The following HMX1 variants were observed in gnomAD, a reference collection of about 807,000 sequenced individuals.
HMX1 encodes the protein H6 family homeobox 1, also known as homeobox protein HMX1.
Under a neutral mutation model 8.9 loss-of-function variants are expected in HMX1, and 8 were observed. The ratio of observed to expected loss-of-function variants is 0.90; its 90% CI spans 0.53 to 1.63. The LOEUF is 1.63. Ranked by LOEUF, HMX1 falls within the 40% of genes most tolerant of loss-of-function variation. The pLI is 0.00. For missense variants in HMX1, 621 were observed against 558.5 expected (o/e 1.11, Z -1.13); for synonymous variants, 311 against 283.4 (o/e 1.10, Z -0.98).
chr4:8,859,093 C>T (rs1721709263), intron 1 of HMX1: 1 of 152,274 alleles, frequency 6.6e-6, no homozygotes, highest in Admixed American at 6.5e-5. Flanking sequence ...CCACACTGGG[C>T]TTATCTGTAA....
chr4:8,850,909 C>T (rs936901911), intron 1 of HMX1, among the ~76,000 whole-genome samples: 2 of 152,222 alleles, frequency 1.3e-5, no homozygotes, highest in Non-Finnish European at 2.9e-5. Context: ...GCTGGGTGCC[C>T]CAGAGAGTAC....
At position 8,851,950 on chromosome 4, in the gene HMX1, C is replaced by T. The variant is rs555663275; in HGVS notation, c.395-5626G>A. Reference sequence around the variant, plus strand: ...CAGAGATGGGAGGGCCTCGAACCTGCGTCCTGTGTCAAGGAGGCACCAACA... The same window carrying T: ...CAGAGATGGGAGGGCCTCGAACCTGTGTCCTGTGTCAAGGAGGCACCAACA... On this transcript the variant is annotated intron_variant, in intron 1 of 1. Coordinates refer to the HMX1 transcript ENST00000506970. 3.9e-5 allele frequency among the ~76,000 whole-genome samples: 6 copies of T among 152,358 alleles called. No homozygotes were observed. In the South Asian group the frequency reaches 8.3e-4, roughly 21 times the overall value.
At chr4:8,856,756 C>T (rs998474066) in intron 1 of HMX1, among the ~76,000 whole-genome samples, 1 of 152,210 alleles carries the variant, frequency 6.6e-6, no homozygotes, top group Non-Finnish European at 1.5e-5. Context: ...CGATGCATTG[C>T]TTGTTTAAAA....
rs1722051189 is a variant in HMX1 at position 8,867,708 on chromosome 4, CATCT to C, written c.1028_1031del (p.Gln343ArgfsTer66). ...CAGGCGGGGCTCACACCAGGCCAGGCATCTGCGCCCGCAGAAAGGGCACGGAGGC... is the reference window on the plus strand; with the variant it reads ...CAGGCGGGGCTCACACCAGGCCAGGCGCGCCCGCAGAAAGGGCACGGAGGC... On this transcript the variant is annotated frameshift_variant, in exon 2 of 2. Coordinates refer to ENST00000400677, the MANE Select transcript of HMX1 (RefSeq NM_018942.3). LOFTEE classifies it high-confidence loss of function. 1 of 1,275,824 alleles carries C rather than the reference CATCT, an allele frequency of 7.8e-7. No homozygotes were observed. Among genetic ancestry groups the C allele is most frequent in the Non-Finnish European group, 9.8e-7 (1 of 1,015,308 alleles). The allele number at this position is 1,275,824 out of a possible 1,614,324, so 79.0% of individuals were successfully genotyped here.
downstream of HMX1, among the ~76,000 whole-genome samples, chr4:8,865,618 G>A (rs1420503718): frequency 1.3e-5 from 2 of 152,140 alleles, no homozygotes; most frequent in Non-Finnish European, 2.9e-5. Flanking sequence ...CCAGGAGCCT[G>A]AGTCAGGGGT....
chr4:8,871,561 G>A lies in HMX1; in HGVS notation c.54C>T (p.Ser18=). ...PGRATPARAS[S]FLIENLLAAE... ...CCGCCAGCAGGTTCTCGATGAGGAA[G>A]GAGGAGGCGCGGGCCGGCGTGGCGC... Residue 18 remains serine, a synonymous_variant, in exon 1 of 2, where the codon TCC becomes TCT. Coordinates refer to ENST00000400677, the MANE Select transcript of HMX1 (RefSeq NM_018942.3). This position sits in a 1 kb window ranked among gnomAD's most constrained non-coding sequence, Gnocchi z 4.8. 7.4e-7 allele frequency: 1 copy of A among 1,359,754 alleles called. No homozygotes were observed. Among genetic ancestry groups the A allele is most frequent in the Non-Finnish European group, 9.5e-7 (1 of 1,052,862 alleles). 84.2% of individuals were successfully genotyped at this position (1,359,754 alleles called of 1,614,324 possible).
In HMX1 at chr4:8,868,425, C is replaced by T. The variant is rs1722104837; in HGVS notation, c.395-80G>A. ...AATCACTGAGGCCAGCCGTCCCCACCTTGAGGTCGCTCACAGCCACAAGCA... is the reference window on the plus strand; with the variant it reads ...AATCACTGAGGCCAGCCGTCCCCACTTTGAGGTCGCTCACAGCCACAAGCA... On this transcript the variant is annotated intron_variant, in intron 1 of 1. Coordinates refer to ENST00000400677, the MANE Select transcript of HMX1 (RefSeq NM_018942.3). This position sits in a 1 kb window ranked among gnomAD's most constrained non-coding sequence, Gnocchi z 4.6. 1.8e-6 allele frequency: 2 copies of T among 1,104,260 alleles called. No individual in the cohort carries two copies. Among genetic ancestry groups the T allele is most frequent in the Non-Finnish European group, 2.3e-6 (2 of 864,754 alleles). 68.4% of individuals were successfully genotyped at this position (1,104,260 alleles called of 1,614,324 possible). A position where few individuals can be genotyped will look rare whatever the true frequency, so the allele number is the denominator to read the frequency against.
chr4:8,858,303 G>C (rs910927545), intron 1 of HMX1, among the ~76,000 whole-genome samples: 1 of 152,142 alleles, frequency 6.6e-6, no homozygotes, highest in African/African-American at 2.4e-5. Flanking sequence ...AGCCGAGGCA[G>C]AGAGGTCCGG....
At position 8,847,511 on chromosome 4, in the gene HMX1, C is replaced by T. The variant is rs931574047; in HGVS notation, c.395-1187G>A. Among the ~76,000 whole-genome samples, 4 of 152,172 alleles carry T rather than the reference C, an allele frequency of 2.6e-5. No homozygotes were observed. The highest frequency in any genetic ancestry group is 5.9e-5 in the Non-Finnish European group (4 of 68,026). On this transcript the variant is annotated intron_variant, in intron 1 of 1. Transcript: ENST00000506970. The surrounding 1 kb of genome is among the most constrained non-coding windows in gnomAD (Gnocchi z 6.0). Reference sequence around the variant, plus strand: ...CCCTGCTCTTCGGAAGATGCTGGGCCGGGCACAACTCCTGTCCCGAGAGCA... The same window carrying T: ...CCCTGCTCTTCGGAAGATGCTGGGCTGGGCACAACTCCTGTCCCGAGAGCA...
intron 1 of HMX1, among the ~76,000 whole-genome samples, chr4:8,857,948 G>A (rs1721667303): frequency 6.6e-6 from 1 of 152,134 alleles, no homozygotes; most frequent in Admixed American, 6.5e-5. Flanking sequence ...GGCTTCGGGC[G>A]CTCGGGGAGA....
At position 8,847,821 on chromosome 4, in the gene HMX1, G is replaced by C. The variant is rs1721322629; in HGVS notation, c.395-1497C>G. On this transcript the variant is annotated intron_variant, in intron 1 of 1. Coordinates refer to the HMX1 transcript ENST00000506970. This position sits in a 1 kb window ranked among gnomAD's most constrained non-coding sequence, Gnocchi z 6.0. ...TAAAGAAACAGGATTCAGAAACAGG[G>C]GAATGGGAAGGACAAGAAGAACCTC... Among the ~76,000 whole-genome samples, 1 of 152,212 alleles carries C rather than the reference G, an allele frequency of 6.6e-6. No individual in the cohort carries two copies. The highest frequency in any genetic ancestry group is 2.4e-5 in the African/African-American group (1 of 41,452).
rs963956923 is a variant in HMX1 at position 8,867,381 on chromosome 4, T to A, written c.*312A>T. 9.6e-7 allele frequency: 1 copy of A among 1,046,718 alleles called. No homozygotes were observed. The allele number at this position is 1,046,718 out of a possible 1,614,324, so 64.8% of individuals were successfully genotyped here. ...TGAGGGCAGCTGCCCCGGGTGGCCA[T>A]GGCCGACCGCTCCTCGCTGAGGCCG... On this transcript the variant is annotated 3_prime_UTR_variant, in exon 2 of 2. Transcript: ENST00000400677.
rs150406012 is a variant in HMX1 at position 8,848,633 on chromosome 4, T to C, written c.395-2309A>G. Among the ~76,000 whole-genome samples, 1 of 152,290 alleles carries C rather than the reference T, an allele frequency of 6.6e-6. No homozygotes were observed. The highest frequency in any genetic ancestry group is 2.4e-5 in the African/African-American group (1 of 41,572). On this transcript the variant is annotated intron_variant, in intron 1 of 1. Transcript: ENST00000506970. The surrounding 1 kb of genome is among the most constrained non-coding windows in gnomAD (Gnocchi z 4.1). ...GCATGCTTGGAGGTGCCGGCTGCTGTAGACCAACCTAAACCAGGCTCCCCC... is the reference window on the plus strand; with the variant it reads ...GCATGCTTGGAGGTGCCGGCTGCTGCAGACCAACCTAAACCAGGCTCCCCC...
chr4:8,846,168 A>G (rs1721268890), exon 2 of HMX1: 1 of 1,199,594 alleles, frequency 8.3e-7, no homozygotes, highest in African/African-American at 1.5e-5. Flanking sequence ...CCAGGCTGAC[A>G]AAGGCTCCAC....
chr4:8,859,336 G>A (rs1029158359), intron 1 of HMX1, among the ~76,000 whole-genome samples: 3 of 152,254 alleles, frequency 2.0e-5, no homozygotes, highest in Non-Finnish European at 4.4e-5. Context: ...CTCTAGTCCC[G>A]ATTGACAGCC....
In HMX1 at chr4:8,870,869, C is replaced by T. The variant is rs544861873; in HGVS notation, c.394+352G>A. ...TCCATCCTCCCATTTTCTTTCTCAG[C>T]CTCTTTCGCCTTCTCCTGTATCTTT... is the stretch of plus-strand genomic sequence containing the variant. On this transcript the variant is annotated intron_variant, in intron 1 of 1. Transcript: ENST00000400677. The surrounding 1 kb of genome is among the most constrained non-coding windows in gnomAD (Gnocchi z 4.4). Among the ~76,000 whole-genome samples, 10 of 148,502 alleles carry T rather than the reference C, an allele frequency of 6.7e-5. No individual in the cohort carries two copies. Among genetic ancestry groups the T allele is most frequent in the Non-Finnish European group, 1.5e-4 (10 of 67,414 alleles).
exon 2 of HMX1, chr4:8,846,283 C>T (rs1721272258): frequency 6.5e-7 from 1 of 1,535,342 alleles, no homozygotes; most frequent in East Asian, 2.4e-5. Context: ...GTCACCTGCC[C>T]CTCTCCACAC....
At position 8,868,054 on chromosome 4, in the gene HMX1, C is replaced by T. The variant is rs1722077270; in HGVS notation, c.686G>A (p.Ser229Asn). Residue 229 changes from serine (S) to asparagine (N), a missense_variant, in exon 2 of 2, where the codon AGC (serine) becomes AAC (asparagine). Physicochemically the swap from Ser to Asn is conservative, Grantham distance 46 (BLOSUM62 1). Transcript: ENST00000400677. This position sits in a 1 kb window ranked among gnomAD's most constrained non-coding sequence, Gnocchi z 4.6. ...GGCCAGGCCGGCGCGCTCGGCGCTG[C>T]TCAGGTAGCGCTTCAGGTCGAAGGT... ...ESTFDLKRYL[S>N]SAERAGLAAS... 3 of 1,541,548 alleles carry T rather than the reference C, an allele frequency of 1.9e-6. No homozygotes were observed. Among genetic ancestry groups the T allele is most frequent in the Non-Finnish European group, 2.6e-6 (3 of 1,146,950 alleles).
downstream of HMX1, among the ~76,000 whole-genome samples, chr4:8,866,617 G>A (rs542465041): frequency 6.6e-6 from 1 of 152,364 alleles, no homozygotes; most frequent in South Asian, 2.1e-4. Flanking sequence ...CAAGGCAAGA[G>A]CACGGTGGCC....
Sources: allele counts gnomAD v4.1 joint callset (sites outside exome capture counted in the v4.1 genomes callset), GRCh38; gene constraint gnomAD v4.1.1; non-coding constraint Gnocchi (gnomAD v3.1); transcripts MANE v1.5; gene names NCBI Gene and HGNC (gene_info 2026-07-23, HGNC 2026-07-21).